PTPRA: variants seen among roughly 807,000 people sequenced by gnomAD.
PTPRA encodes the protein receptor-type tyrosine-protein phosphatase alpha.
In PTPRA, 25 loss-of-function variants were observed where a neutral mutation model predicts 104.8. That is an observed-to-expected ratio of 0.24 (90% CI 0.17 to 0.33). The LOEUF is 0.33. Ranked by LOEUF, PTPRA falls within the 10% of genes least tolerant of loss-of-function variation. The pLI is 1.00. For missense variants in PTPRA, 765 were observed against 1,015.3 expected (o/e 0.75, Z 3.35); for synonymous variants, 323 against 368.9 (o/e 0.88, Z 1.43).
chr20:2,957,944 T>C (rs6051498), intron 3 of PTPRA, among the ~76,000 whole-genome samples: 4,203 of 151,720 alleles, frequency 0.028, 179 homozygotes, highest in African/African-American at 0.084. Flanking sequence ...TTATGAGTTA[T>C]TTGATTTTTT....
intron 13 of PTPRA, among the ~76,000 whole-genome samples, chr20:3,019,899 C>T (rs1325988145): frequency 6.6e-6 from 1 of 152,132 alleles, no homozygotes; most frequent in African/African-American, 2.4e-5. Flanking sequence ...CAGCGAAACC[C>T]CGTCTCCACC....
intron 1 of PTPRA, among the ~76,000 whole-genome samples, chr20:2,885,215 T>G (rs1314175060): frequency 6.6e-6 from 1 of 152,214 alleles, no homozygotes; most frequent in Non-Finnish European, 1.5e-5. Flanking sequence ...ACTTGTTGTT[T>G]TTTTTAACTG....
Position 3,037,258 on chromosome 20 carries a change from G to A in PTPRA, c.2303G>A (p.Arg768Gln). Residue 768 changes from arginine to glutamine, a missense_variant, in exon 23 of 24, where the codon CGG becomes CAG. By Grantham distance (43) the Arg-to-Gln change is conservative. This residue lies in a region of PTPRA where 72 missense variants were observed against 140.7 expected (regional missense o/e 0.51). Coordinates refer to ENST00000399903, the MANE Select transcript of PTPRA (RefSeq NM_001385305.1). This position sits in a 1 kb window ranked among gnomAD's most constrained non-coding sequence, Gnocchi z 4.3. ...GTCTTCCAGACTGTCAAGAGCCTGC[G>A]GCTACAGAGGCCACACATGGTCCAG... ...LDVFQTVKSL[R>Q]LQRPHMVQTL... 1.2e-6 allele frequency: 2 copies of A among 1,614,218 alleles called. No individual in the cohort carries two copies. Among genetic ancestry groups the A allele is most frequent in the Non-Finnish European group, 1.7e-6 (2 of 1,180,042 alleles).
intron 1 of PTPRA, among the ~76,000 whole-genome samples, chr20:2,910,386 T>C (rs1314417153): frequency 8.6e-6 from 1 of 115,674 alleles, no homozygotes; most frequent in Non-Finnish European, 1.6e-5. Flanking sequence ...GTATATTATA[T>C]ATTTTATATA....
intron 1 of PTPRA, among the ~76,000 whole-genome samples, chr20:2,901,713 C>T (rs1022162179): frequency 3.3e-5 from 5 of 152,012 alleles, no homozygotes; most frequent in African/African-American, 1.2e-4. Context: ...TGAAATTTTA[C>T]AATATACAAT....
At chr20:2,938,775 C>A (rs182827850) in intron 2 of PTPRA, among the ~76,000 whole-genome samples, 1 of 152,166 alleles carries the variant, frequency 6.6e-6, no homozygotes, top group Admixed American at 6.5e-5. Context: ...ATTTGGTACT[C>A]CTTATGTCTT....
Position 3,026,722 on chromosome 20 carries a change from G to T in PTPRA, c.1650G>T (p.Met550Ile). The change falls in exon 18 of 24, where the codon ATG becomes ATT. Residue 550 changes from methionine (M) to isoleucine (I), a missense_variant. Physicochemically the swap from Met to Ile is conservative, Grantham distance 10 (BLOSUM62 1). Around this residue, in one of 4 missense-constraint regions of PTPRA, gnomAD observed 192 missense variants for 227.0 expected, o/e 0.85. Transcript: ENST00000399903. ...CAATCAAAATCCAGAATGACAAGAT[G>T]CGGACTGGAAACCTTCCAGCCAACA... is the stretch of plus-strand genomic sequence containing the variant. ...LTSIKIQNDK[M>I]RTGNLPANMK... The T allele has an allele frequency of 6.2e-7, 1 of 1,613,412 alleles. No individual in the cohort carries two copies. The highest frequency in any genetic ancestry group is 1.3e-5 in the African/African-American group (1 of 74,994).
In PTPRA at chr20:2,959,790, A is replaced by T. The variant is rs187109971; in HGVS notation, c.-6-4482A>T. Among the ~76,000 whole-genome samples, 122 of 152,178 alleles carry T rather than the reference A, an allele frequency of 8.0e-4. 1 individual carries two copies. The highest frequency in any genetic ancestry group is 8.0e-3 in the Admixed American group (122 of 15,280). ...ATATGATGAAACCCCATGTCTACTA[A>T]CAATACACAAATTAGCTGGGTGTGG... On this transcript the variant is annotated intron_variant, in intron 3 of 23. Transcript: ENST00000399903.
chr20:3,032,871 C>CT (rs934675865), intron 20 of PTPRA, among the ~76,000 whole-genome samples: 8 of 151,046 alleles, frequency 5.3e-5, no homozygotes, highest in African/African-American at 1.9e-4. Flanking sequence ...TCACCAGTGA[C>CT]TGTCCTCTTG....
intron 1 of PTPRA, among the ~76,000 whole-genome samples, chr20:2,899,677 G>A (rs1039625078): frequency 1.3e-5 from 2 of 152,190 alleles, no homozygotes; most frequent in South Asian, 4.1e-4. Flanking sequence ...GATTATATAG[G>A]TATGTATGCA....
At chr20:3,009,593 A>G (rs1397150734) in intron 11 of PTPRA, among the ~76,000 whole-genome samples, 1 of 152,156 alleles carries the variant, frequency 6.6e-6, no homozygotes, top group Admixed American at 6.6e-5. Flanking sequence ...TCCTGTATGT[A>G]TGTTTAACAT....
At chr20:2,943,341 G>A (rs1320987354) in intron 2 of PTPRA, among the ~76,000 whole-genome samples, 1 of 151,928 alleles carries the variant, frequency 6.6e-6, no homozygotes, top group East Asian at 1.9e-4. Flanking sequence ...CAGTGGGGGA[G>A]GCTAGCAGGC....
chr20:2,986,855 C>G lies in PTPRA; in HGVS notation c.527+6C>G. 6.3e-7 allele frequency: 1 copy of G among 1,591,656 alleles called. No homozygotes were observed. Among genetic ancestry groups the G allele is most frequent in the African/African-American group, 1.3e-5 (1 of 74,532 alleles). ...ATAGTTTTGTACATGTTAAGGTGAG[C>G]CTACTAACACTTCACATTCTCTTAG... On this transcript the variant is annotated splice_donor_region_variant and intron_variant, in intron 7 of 23. Transcript: ENST00000399903.
intron 7 of PTPRA, among the ~76,000 whole-genome samples, chr20:2,987,624 C>T (rs1203524016): frequency 6.6e-6 from 1 of 152,166 alleles, no homozygotes; most frequent in Admixed American, 6.5e-5. Flanking sequence ...GGACTGTGTC[C>T]ACCCAATCCA....
chr20:2,937,634 GACAC>G (rs2060756873), intron 2 of PTPRA, among the ~76,000 whole-genome samples: 1 of 151,756 alleles, frequency 6.6e-6, no homozygotes, highest in Admixed American at 6.6e-5. Flanking sequence ...TGCATATATA[GACAC>G]ACACACACCC....
At chr20:2,931,830 C>A (rs1045553037) in intron 2 of PTPRA, among the ~76,000 whole-genome samples, 4 of 152,028 alleles carry the variant, frequency 2.6e-5, no homozygotes, top group Non-Finnish European at 5.9e-5. Flanking sequence ...CGAACCTCCT[C>A]CCTCAGGCCT....
At chr20:2,980,577 C>T (rs544935916) in intron 6 of PTPRA, among the ~76,000 whole-genome samples, 1 of 152,044 alleles carries the variant, frequency 6.6e-6, no homozygotes, top group East Asian at 1.9e-4. Flanking sequence ...CGCAATGCAG[C>T]AGTGGCTCAC....
chr20:3,013,558 A>T (rs927964298), intron 11 of PTPRA, among the ~76,000 whole-genome samples: 1 of 151,982 alleles, frequency 6.6e-6, no homozygotes, highest in African/African-American at 2.4e-5. Flanking sequence ...GATTACAGGC[A>T]TGCACCACCA....
intron 16 of PTPRA, among the ~76,000 whole-genome samples, chr20:3,023,695 C>T (rs552766737): frequency 3.3e-5 from 5 of 152,266 alleles, no homozygotes; most frequent in South Asian, 2.1e-4. Flanking sequence ...TCCCCTTAGC[C>T]GAGATAGTAG....
Sources: allele counts gnomAD v4.1 joint callset (sites outside exome capture counted in the v4.1 genomes callset), GRCh38; gene constraint gnomAD v4.1.1; regional missense constraint gnomAD v4.1.1; non-coding constraint Gnocchi (gnomAD v3.1); transcripts MANE v1.5; gene names NCBI Gene and HGNC (gene_info 2026-07-23, HGNC 2026-07-21).